HEATR3: variants seen among roughly 807,000 people sequenced by gnomAD.
HEATR3 encodes the protein HEAT repeat-containing protein 3.
In HEATR3, 56 loss-of-function variants were observed where a neutral mutation model predicts 72.8. The observed-to-expected ratio is 0.77, with a 90% CI of 0.62 to 0.96. HEATR3 has a LOEUF of 0.96. HEATR3 is among the 40% of genes least tolerant of loss of function. The pLI is 0.00. For synonymous variants in HEATR3, 331 were observed against 318.1 expected, an observed-to-expected ratio of 1.04 and a Z score of -0.43; for missense variants, 747 against 831.4, an observed-to-expected ratio of 0.90 and a Z score of 1.25.
chr16:50,085,532 G>A (rs369609437), intron 10 of HEATR3, among the ~76,000 whole-genome samples: 2 of 152,090 alleles, frequency 1.3e-5, no homozygotes, highest in South Asian at 2.1e-4. Context: ...TACTTAGGAG[G>A]CTGAAGTGGG....
chr16:50,097,970 C>T (rs1016055335), intron 12 of HEATR3, among the ~76,000 whole-genome samples: 4 of 150,752 alleles, frequency 2.7e-5, no homozygotes, highest in Non-Finnish European at 5.9e-5. Flanking sequence ...CTCCAAGAAG[C>T]TCTGATTTCT....
rs747666510 is a variant in HEATR3 at position 50,102,454 on chromosome 16, T to C, written c.1920+19T>C. On this transcript the variant is annotated intron_variant, in intron 14 of 14. Coordinates refer to ENST00000299192, the MANE Select transcript of HEATR3 (RefSeq NM_182922.4). ...AATGAAGGTTTGTAGCCATTTAACT[T>C]ATAAATACATAAGTCTGAACATTCT... 4 of 1,608,652 alleles carry C rather than the reference T, an allele frequency of 2.5e-6. No individual in the cohort carries two copies. Among genetic ancestry groups the C allele is most frequent in the Non-Finnish European group, 3.4e-6 (4 of 1,176,370 alleles).
Position 50,065,981 on chromosome 16 carries a change from C to CCA in HEATR3, c.-151_-150insCA. 1 of 547,538 alleles carries CCA rather than the reference C, an allele frequency of 1.8e-6. No individual in the cohort carries two copies. Among genetic ancestry groups the CCA allele is most frequent in the East Asian group, 3.8e-5 (1 of 26,264 alleles). The allele number at this position is 547,538 out of a possible 1,614,324, so 33.9% of individuals were successfully genotyped here. A position where few individuals can be genotyped will look rare whatever the true frequency, so the allele number is the denominator to read the frequency against. ...AACCCCGACCCGGCAGACGACGCGC[C>CCA]GTGCGCCTGCGCACGGCTTGCCCAT... On this transcript the variant is annotated 5_prime_UTR_variant, in exon 1 of 15. Coordinates refer to ENST00000299192, the MANE Select transcript of HEATR3 (RefSeq NM_182922.4).
chr16:50,097,699 G>C (rs138630427), intron 12 of HEATR3, among the ~76,000 whole-genome samples: 41 of 152,212 alleles, frequency 2.7e-4, no homozygotes, highest in African/African-American at 9.4e-4. Flanking sequence ...CGGATCACTT[G>C]AGGTCAGGAG....
intron 6 of HEATR3, among the ~76,000 whole-genome samples, chr16:50,076,962 G>A (rs564096858): frequency 6.7e-4 from 99 of 148,628 alleles, no homozygotes; most frequent in African/African-American, 2.4e-3. Flanking sequence ...CCGCTTCCCA[G>A]GTTCACGCCA....
At chr16:50,076,907 C>T (rs542010852) in intron 6 of HEATR3, among the ~76,000 whole-genome samples, 6 of 148,124 alleles carry the variant, frequency 4.1e-5, no homozygotes, top group South Asian at 2.2e-4. Context: ...CTCGCTCTGC[C>T]GCCCAGGCTG....
At chr16:50,066,622 C>A in intron 2 of HEATR3, 83 bp downstream of exon 2, 1 of 1,193,904 alleles carries the variant, frequency 8.4e-7, no homozygotes, top group South Asian at 3.4e-5. Context: ...GGTCACCCAG[C>A]GCCTTCTGTG....
At chr16:50,079,452 A>G (rs2036817269) in intron 7 of HEATR3, among the ~76,000 whole-genome samples, 1 of 152,188 alleles carries the variant, frequency 6.6e-6, no homozygotes, top group Admixed American at 6.5e-5. Context: ...CCAAACCTTC[A>G]TTTATCCAGT....
chr16:50,072,322 T>C (rs2036630125), intron 4 of HEATR3, among the ~76,000 whole-genome samples: 1 of 152,146 alleles, frequency 6.6e-6, no homozygotes, highest in Non-Finnish European at 1.5e-5. Flanking sequence ...AATTAAACGA[T>C]TTACAAGATC....
At chr16:50,079,058 CT>C (rs764095372) in intron 7 of HEATR3, 40 bp downstream of exon 7, 1 of 1,401,688 alleles carries the variant, frequency 7.1e-7, no homozygotes, top group Non-Finnish European at 9.2e-7. Context: ...ATTAATACAG[CT>C]GTTTTTTTTT....
intron 2 of HEATR3, chr16:50,066,741 A>T (rs1010975135): frequency 2.2e-6 from 1 of 453,250 alleles, no homozygotes; most frequent in Non-Finnish European, 3.6e-6. Flanking sequence ...TGGCTGCTTC[A>T]CCTGCAGCGT....
chr16:50,100,891 G>A (rs532173757), intron 13 of HEATR3: 79 of 171,848 alleles, frequency 4.6e-4, no homozygotes, highest in Middle Eastern at 5.6e-3. Context: ...ACTTAGCACA[G>A]TTGCTCACAA....
At chr16:50,077,444 A>C (rs1287510088) in intron 6 of HEATR3, among the ~76,000 whole-genome samples, 1 of 152,154 alleles carries the variant, frequency 6.6e-6, no homozygotes, top group Non-Finnish European at 1.5e-5. Context: ...CGTGAGCCAC[A>C]GCACCCAGCC....
At chr16:50,095,864 A>G (rs2037223315) in intron 12 of HEATR3, among the ~76,000 whole-genome samples, 1 of 152,184 alleles carries the variant, frequency 6.6e-6, no homozygotes, top group African/African-American at 2.4e-5. Context: ...TATGTAGTTC[A>G]GTATGCATGT....
At chr16:50,066,321 G>T in intron 1 of HEATR3, 46 bp from the exon 2 acceptor site, 1 of 1,565,474 alleles carries the variant, frequency 6.4e-7, no homozygotes, top group Non-Finnish European at 8.6e-7. Context: ...TGCCCCGCGC[G>T]CGTGCGCATT....
At chr16:50,073,170 A>G (rs1458324892) in intron 5 of HEATR3, 1 of 157,568 alleles carries the variant, frequency 6.3e-6, no homozygotes, top group East Asian at 1.9e-4. Flanking sequence ...GAAATGATTG[A>G]AATTCCACTT....
intron 6 of HEATR3, 84 bp from the exon 7 acceptor site, chr16:50,078,657 T>A: frequency 7.2e-7 from 1 of 1,386,934 alleles, no homozygotes; most frequent in Admixed American, 2.6e-5. Context: ...TACACTGGCC[T>A]TAAAAGCTCC....
chr16:50,073,531 T>C (rs1240722125), intron 5 of HEATR3: 1 of 152,182 alleles, frequency 6.6e-6, no homozygotes, highest in Non-Finnish European at 1.5e-5. Flanking sequence ...GTAGAATAAA[T>C]ACTACTGAGA....
chr16:50,094,367 G>A (rs2037184200), intron 11 of HEATR3, among the ~76,000 whole-genome samples: 1 of 152,196 alleles, frequency 6.6e-6, no homozygotes, highest in South Asian at 2.1e-4. Flanking sequence ...GGAGATCTAT[G>A]AATGACAGAA....
Sources: allele counts gnomAD v4.1 joint callset (sites outside exome capture counted in the v4.1 genomes callset), GRCh38; gene constraint gnomAD v4.1.1; transcripts MANE v1.5; gene names NCBI Gene and HGNC (gene_info 2026-07-23, HGNC 2026-07-21).